SYNE2: variants seen among roughly 807,000 people sequenced by gnomAD.
SYNE2 encodes spectrin repeat containing nuclear envelope protein 2.
A neutral mutation model predicts 856.3 loss-of-function variants in SYNE2; 431 were observed. The observed-to-expected ratio is 0.50, with a 90% CI of 0.47 to 0.55. The LOEUF is 0.55. Ranked by LOEUF, SYNE2 falls within the 20% of genes least tolerant of loss-of-function variation. The pLI, the probability that SYNE2 is intolerant of heterozygous loss-of-function variation, is 0.00. For synonymous variants in SYNE2, 2,923 were observed against 2,872.3 expected, an observed-to-expected ratio of 1.02 and a Z score of -0.56; for missense variants, 8,129 against 8,023.2, an observed-to-expected ratio of 1.01 and a Z score of -0.50.
At chr14:63,866,724 A>G (rs1231465947) in intron 1 of SYNE2, among the ~76,000 whole-genome samples, 4 of 152,270 alleles carry the variant, frequency 2.6e-5, no homozygotes, top group Non-Finnish European at 5.9e-5. Flanking sequence ...TTGAAATCCC[A>G]GCACTTGGAG....
Position 63,993,967 on chromosome 14 carries a change from G to A in SYNE2, c.2779G>A (p.Glu927Lys). ...EKSRDVCAKW[E>K]SLHHELSLYV... ...GAGTAGAGATGTCTGTGCCAAATGG[G>A]AGGTAAGAACATGCATATGTTTCTG... The change falls in exon 22 of 116, where the codon GAG becomes AAG. Residue 927 changes from glutamate (E) to lysine (K), a missense_variant and splice_region_variant. By Grantham distance (56) the Glu-to-Lys change is moderately conservative. This residue lies in a region of SYNE2 where 2,422 missense variants were observed against 2,357.4 expected (regional missense o/e 1.03). Transcript: ENST00000555002. 6.2e-7 allele frequency: 1 copy of A among 1,613,772 alleles called. No homozygotes were observed. The highest frequency in any genetic ancestry group is 8.5e-7 in the Non-Finnish European group (1 of 1,179,764).
intron 66 of SYNE2, among the ~76,000 whole-genome samples, chr14:64,116,404 T>C (rs1016506966): frequency 1.1e-4 from 17 of 152,210 alleles, no homozygotes; most frequent in African/African-American, 3.6e-4. Flanking sequence ...GCTGTTCATC[T>C]TCTTTGAGTT....
At chr14:63,874,641 C>T (rs1358813801) in intron 1 of SYNE2, among the ~76,000 whole-genome samples, 1 of 152,036 alleles carries the variant, frequency 6.6e-6, no homozygotes, top group East Asian at 1.9e-4. Context: ...ATATTTTGAG[C>T]CTATTTGCCA....
chr14:63,961,322 T>C (rs2096311246), intron 8 of SYNE2, among the ~76,000 whole-genome samples: 3 of 152,228 alleles, frequency 2.0e-5, no homozygotes, highest in African/African-American at 7.2e-5. Flanking sequence ...AACCCAGATC[T>C]CTCTGAGTAT....
chr14:63,841,416 C>A (rs1032343338), intron 1 of SYNE2, among the ~76,000 whole-genome samples: 1 of 152,212 alleles, frequency 6.6e-6, no homozygotes, highest in Non-Finnish European at 1.5e-5. Flanking sequence ...CCATTCTCTG[C>A]CTCCATTTGC....
intron 1 of SYNE2, among the ~76,000 whole-genome samples, chr14:63,858,704 C>A (rs1227835043): frequency 6.6e-6 from 1 of 152,124 alleles, no homozygotes; most frequent in East Asian, 1.9e-4. Flanking sequence ...AATATTGTAA[C>A]AGTATTGCCT....
At chr14:64,205,056 TCTG>T (rs1567636986) in intron 100 of SYNE2, among the ~76,000 whole-genome samples, 1 of 152,170 alleles carries the variant, frequency 6.6e-6, no homozygotes, top group Non-Finnish European at 1.5e-5. Flanking sequence ...TGACTCCTCT[TCTG>T]CTGTTAAGGA....
intron 2 of SYNE2, among the ~76,000 whole-genome samples, chr14:63,927,404 C>G (rs944459266): frequency 6.6e-6 from 1 of 152,088 alleles, no homozygotes; most frequent in African/African-American, 2.4e-5. Context: ...CATGTCCCCA[C>G]CCAAATCTCA....
intron 63 of SYNE2, among the ~76,000 whole-genome samples, chr14:64,100,534 ATATATATAT>A (rs1567298796): frequency 0.016 from 726 of 46,596 alleles, 48 homozygotes; most frequent in African/African-American, 0.054. Flanking sequence ...AAAAAAAAAT[ATATATATAT>A]ATATATATAT....
chr14:63,865,713 C>CG (rs1566649090), intron 1 of SYNE2, among the ~76,000 whole-genome samples: 1 of 74,218 alleles, frequency 1.3e-5, no homozygotes, highest in South Asian at 6.2e-4. Context: ...ACTCTGTACC[C>CG]ACCCCCCCCC....
At chr14:64,083,297 T>A (rs530062976) in intron 57 of SYNE2, among the ~76,000 whole-genome samples, 81 of 152,056 alleles carry the variant, frequency 5.3e-4, no homozygotes, top group Non-Finnish European at 1.1e-3. Context: ...AAGTTTGTCA[T>A]TTTTAAACTC....
intron 66 of SYNE2, among the ~76,000 whole-genome samples, chr14:64,118,879 A>T (rs985851150): frequency 2.6e-5 from 4 of 151,722 alleles, no homozygotes; most frequent in African/African-American, 4.8e-5. Flanking sequence ...AAAAAAAAAA[A>T]GATTAGGAAG....
Position 64,107,595 on chromosome 14 carries a change from C to T in SYNE2, c.12597C>T (p.Asn4199=). ...GCCCAGAATGTTCCCTAAGGCCCAA[C>T]CAAACAGAAGAGGTAAGTCCTGGTT... is the stretch of plus-strand genomic sequence containing the variant. ...EQGPECSLRP[N]QTEEGTTPPI... is the part of the protein sequence containing the mutation. Residue 4199 remains asparagine, a synonymous_variant, in exon 65 of 116, where the codon AAC becomes AAT. Transcript: ENST00000555002. 1 of 1,613,936 alleles carries T rather than the reference C, an allele frequency of 6.2e-7. No individual in the cohort carries two copies. The highest frequency in any genetic ancestry group is 8.5e-7 in the Non-Finnish European group (1 of 1,179,818).
chr14:63,881,146 CA>C (rs1436551851), intron 1 of SYNE2, among the ~76,000 whole-genome samples: 1 of 151,410 alleles, frequency 6.6e-6, no homozygotes, highest in Admixed American at 6.6e-5. Flanking sequence ...CTGTGCCCGG[CA>C]ATTTTTTTTT....
intron 1 of SYNE2, among the ~76,000 whole-genome samples, chr14:63,773,029 C>T (rs895604498): frequency 8.6e-5 from 13 of 151,892 alleles, no homozygotes; most frequent in Admixed American, 3.3e-4. Flanking sequence ...CTGCACGCCT[C>T]GGCCTCCGAA....
At chr14:63,915,931 G>A (rs1020245508) in intron 2 of SYNE2, among the ~76,000 whole-genome samples, 1 of 152,086 alleles carries the variant, frequency 6.6e-6, no homozygotes, top group Non-Finnish European at 1.5e-5. Context: ...TACAAACATC[G>A]TAATGGAGAT....
intron 21 of SYNE2, among the ~76,000 whole-genome samples, chr14:63,992,261 C>T (rs1167504991): frequency 6.6e-6 from 1 of 151,486 alleles, no homozygotes; most frequent in Non-Finnish European, 1.5e-5. Context: ...AATAGAGGGT[C>T]CTAGTCTCCC....
At chr14:63,961,743 C>A (rs1350905025) in intron 9 of SYNE2, 118 bp downstream of exon 9, 15 of 745,500 alleles carry the variant, frequency 2.0e-5, no homozygotes, top group Non-Finnish European at 3.5e-5. Context: ...AATGAGCATA[C>A]ACCCCTGTAA....
At chr14:63,967,248 CT>C (rs1249383204) in intron 10 of SYNE2, among the ~76,000 whole-genome samples, 1 of 152,176 alleles carries the variant, frequency 6.6e-6, no homozygotes, top group East Asian at 1.9e-4. Flanking sequence ...CAAAGTGTTT[CT>C]CAAAGTTTAT....
Sources: allele counts gnomAD v4.1 joint callset (sites outside exome capture counted in the v4.1 genomes callset), GRCh38; gene constraint gnomAD v4.1.1; regional missense constraint gnomAD v4.1.1; transcripts MANE v1.5; gene names NCBI Gene and HGNC (gene_info 2026-07-23, HGNC 2026-07-21).